Variants in ZNF460 observed in about 807,000 individuals in gnomAD.
ZNF460 encodes zinc finger protein 460.
ZNF460 carries 1 observed loss-of-function variant against 8.4 expected under a neutral mutation model. The ratio of observed to expected loss-of-function variants is 0.12; its 90% CI spans 0.04 to 0.56. The LOEUF is 0.56. Among genes scored for constraint, ZNF460 ranks in the 20% least tolerant of loss-of-function variants. ZNF460 has a pLI of 0.91. For missense variants in ZNF460, 477 were observed against 714.8 expected, an observed-to-expected ratio of 0.67 and a Z score of 3.79; for synonymous variants, 262 against 259.9, an observed-to-expected ratio of 1.01 and a Z score of -0.08.
chr19:57,288,669 C>T (rs1328354510), intron 2 of ZNF460, among the ~76,000 whole-genome samples: 3 of 152,192 alleles, frequency 2.0e-5, no homozygotes, highest in African/African-American at 7.2e-5. Flanking sequence ...ACACTCTTAA[C>T]CTCCCTTCAA....
chr19:57,290,567 T>C (rs2087909567), intron 2 of ZNF460, 132 bp from the exon 3 acceptor site: 1 of 928,178 alleles, frequency 1.1e-6, no homozygotes, highest in Non-Finnish European at 1.6e-6. Context: ...GATGAGCCAC[T>C]GTACCCAGCC....
At chr19:57,281,553 G>GA (rs1181965165) in intron 1 of ZNF460, among the ~76,000 whole-genome samples, 4 of 134,660 alleles carry the variant, frequency 3.0e-5, no homozygotes, top group African/African-American at 8.4e-5. Flanking sequence ...GTTTAACCCT[G>GA]AAATTTTTTT....
At position 57,284,671 on chromosome 19, in the gene ZNF460, G is replaced by A. The variant is rs138473913; in HGVS notation, c.151G>A (p.Ala51Thr). 2.5e-6 allele frequency: 4 copies of A among 1,609,214 alleles called. No individual in the cohort carries two copies. The highest frequency in any genetic ancestry group is 1.3e-5 in the African/African-American group (1 of 74,600). ...GCTGGAGACCTGTGGGCTTCTGGTC[G>A]CACTGGGTAAGGCCTGTCCTCTCCT... is the stretch of plus-strand genomic sequence containing the variant. ...VMLETCGLLV[A>T]LGDSTKPETV... Residue 51 changes from alanine to threonine, a missense_variant, in exon 2 of 3, where the codon GCA (alanine) becomes ACA (threonine). Physicochemically the swap from Ala to Thr is moderately conservative, Grantham distance 58. This residue lies in a region of ZNF460 where 169 missense variants were observed against 178.6 expected (regional missense o/e 0.95). Coordinates refer to ENST00000360338, the MANE Select transcript of ZNF460 (RefSeq NM_006635.4).
chr19:57,284,762 A>G, intron 2 of ZNF460, 85 bp downstream of exon 2: 1 of 1,391,846 alleles, frequency 7.2e-7, no homozygotes, highest in Non-Finnish European at 9.5e-7. Context: ...AGGCCTGGCT[A>G]GTGGAATAGG....
chr19:57,284,172 G>A (rs1235960208), intron 1 of ZNF460, among the ~76,000 whole-genome samples: 1 of 151,702 alleles, frequency 6.6e-6, no homozygotes, highest in Non-Finnish European at 1.5e-5. Context: ...TTAAGTTCAA[G>A]TGGCTTCCTG....
At chr19:57,285,589 T>C (rs1325985895) in intron 2 of ZNF460, among the ~76,000 whole-genome samples, 1 of 152,220 alleles carries the variant, frequency 6.6e-6, no homozygotes, top group Non-Finnish European at 1.5e-5. Flanking sequence ...TAAACCTTCA[T>C]TGTGAGATGC....
Position 57,283,321 on chromosome 19 carries a change from T to C in ZNF460, c.31-1230T>C, listed in dbSNP as rs182674373. On this transcript the variant is annotated intron_variant, in intron 1 of 2. Coordinates refer to ENST00000360338, the MANE Select transcript of ZNF460 (RefSeq NM_006635.4). ...AGTAGCTAGGACTACAGGCACACACTACCACACCCAGCTAATTTTTGTATT... is the reference window on the plus strand; with the variant it reads ...AGTAGCTAGGACTACAGGCACACACCACCACACCCAGCTAATTTTTGTATT... 1.9e-3 allele frequency among the ~76,000 whole-genome samples: 289 copies of C among 151,032 alleles called. 1 individual carries two copies. Among genetic ancestry groups the C allele is most frequent in the Non-Finnish European group, 3.2e-3 (219 of 67,708 alleles).
At chr19:57,286,405 G>A (rs887174470) in intron 2 of ZNF460, among the ~76,000 whole-genome samples, 1 of 152,080 alleles carries the variant, frequency 6.6e-6, no homozygotes, top group African/African-American at 2.4e-5. Context: ...TGTGTGTTCT[G>A]ACTGCTCCAC....
At position 57,292,296 on chromosome 19, in the gene ZNF460, T is replaced by C. The variant is rs1395767534; in HGVS notation, c.*66T>C. Reference sequence around the variant, plus strand: ...CCAAGAATTCCTATTAGCGAAATAGTTTTTTAATATAACCACTGAAGAAAA... The same window carrying C: ...CCAAGAATTCCTATTAGCGAAATAGCTTTTTAATATAACCACTGAAGAAAA... On this transcript the variant is annotated 3_prime_UTR_variant, in exon 3 of 3. Coordinates refer to ENST00000360338, the MANE Select transcript of ZNF460 (RefSeq NM_006635.4). 1 of 1,475,906 alleles carries C rather than the reference T, an allele frequency of 6.8e-7. No homozygotes were observed. The highest frequency in any genetic ancestry group is 2.1e-5 in the Admixed American group (1 of 48,174). The allele number at this position is 1,475,906 out of a possible 1,614,324, so 91.4% of individuals were successfully genotyped here.
rs768552087 is a variant in ZNF460, at chr19:57,292,138, A to T, written c.1597A>T (p.Ser533Cys). The part of the protein sequence containing the change: ...SIIHTESSPV[S>C]AVNMETPSIA... The stretch of plus-strand genomic sequence containing the variant: ...CATCCACACTGAGAGTAGCCCAGTG[A>T]GTGCAGTGAATATGGAAACGCCTTC... The change falls in exon 3 of 3, where the codon AGT (serine) becomes TGT (cysteine). Residue 533 changes from serine to cysteine, a missense_variant. By Grantham distance (112) the Ser-to-Cys change is moderately radical (BLOSUM62 -1). Transcript: ENST00000360338. 2.0e-5 allele frequency: 33 copies of T among 1,614,078 alleles called. No individual in the cohort carries two copies. Among genetic ancestry groups the T allele is most frequent in the Non-Finnish European group, 2.8e-5 (33 of 1,180,040 alleles).
rs747361889 is a variant in ZNF460 at position 57,280,680 on chromosome 19, C to G, written c.-127C>G. 3 of 1,392,060 alleles carry G rather than the reference C, an allele frequency of 2.2e-6. No individual in the cohort carries two copies. Among genetic ancestry groups the G allele is most frequent in the Non-Finnish European group, 2.9e-6 (3 of 1,021,286 alleles). 86.2% of individuals were successfully genotyped at this position (1,392,060 alleles called of 1,614,324 possible). A position where few individuals can be genotyped will look rare whatever the true frequency, so the allele number is the denominator to read the frequency against. ...GCCCTCCGTCTCCTCAGCCCCGACG[C>G]TGCGCCTTGGGCCTTGTGCGCATTT... On this transcript the variant is annotated 5_prime_UTR_variant, in exon 1 of 3. Coordinates refer to ENST00000360338, the MANE Select transcript of ZNF460 (RefSeq NM_006635.4).
In ZNF460 at chr19:57,292,261, C is replaced by G. The variant is rs1463762877; in HGVS notation, c.*31C>G. On this transcript the variant is annotated 3_prime_UTR_variant, in exon 3 of 3. Coordinates refer to ENST00000360338, the MANE Select transcript of ZNF460 (RefSeq NM_006635.4). Reference sequence around the variant, plus strand: ...GTGGAAAGACTTTTTACGTACACTTCAGTCAACATCCAAGAATTCCTATTA... The same window carrying G: ...GTGGAAAGACTTTTTACGTACACTTGAGTCAACATCCAAGAATTCCTATTA... The G allele has an allele frequency of 6.4e-7, 1 of 1,560,744 alleles. No homozygotes were observed. Among genetic ancestry groups the G allele is most frequent in the African/African-American group, 1.4e-5 (1 of 73,190 alleles).
At chr19:57,290,525 G>A (rs2087909285) in intron 2 of ZNF460, among the ~76,000 whole-genome samples, 174 bp from the exon 3 acceptor site, 1 of 151,850 alleles carries the variant, frequency 6.6e-6, no homozygotes, top group Non-Finnish European at 1.5e-5. Flanking sequence ...TGATCCGCCT[G>A]CCTTGGCCTC....
Position 57,291,099 on chromosome 19 carries a change from T to A in ZNF460, c.558T>A (p.His186Gln), listed in dbSNP as rs955274586. 1 of 1,614,226 alleles carries A rather than the reference T, an allele frequency of 6.2e-7. No individual in the cohort carries two copies. Residue 186 changes from histidine to glutamine, a missense_variant, in exon 3 of 3, where the codon CAT becomes CAA. His to Gln is a conservative substitution (Grantham distance 24). This residue lies in a region of ZNF460 where 169 missense variants were observed against 178.6 expected (regional missense o/e 0.95). Coordinates refer to ENST00000360338, the MANE Select transcript of ZNF460 (RefSeq NM_006635.4). The surrounding 1 kb of genome is among the most constrained non-coding windows in gnomAD (Gnocchi z 8.4). ...ATGAGAATTGCTTCCTTGTTCAGCA[T>A]GAGCAGATTCTCCCTCGTGTGAAGC... ...MFNENCFLVQ[H>Q]EQILPRVKPY...
chr19:57,290,159 A>C (rs1301094936), intron 2 of ZNF460, among the ~76,000 whole-genome samples: 1 of 151,956 alleles, frequency 6.6e-6, no homozygotes, highest in African/African-American at 2.4e-5. Context: ...AAACAAAAAA[A>C]AGCCAAGCGT....
chr19:57,290,683 A>G lies in ZNF460; in HGVS notation c.158-16A>G, dbSNP rs775345310. 6.2e-7 allele frequency: 1 copy of G among 1,601,566 alleles called. No individual in the cohort carries two copies. Among genetic ancestry groups the G allele is most frequent in the Non-Finnish European group, 8.5e-7 (1 of 1,173,500 alleles). Reference sequence around the variant, plus strand: ...ACTATCTTAATAAGTTCTTTTGTGTATTGTGTTCCCTTCAGGTGACAGCAC... The same window carrying G: ...ACTATCTTAATAAGTTCTTTTGTGTGTTGTGTTCCCTTCAGGTGACAGCAC... On this transcript the variant is annotated splice_polypyrimidine_tract_variant and intron_variant, in intron 2 of 2. Coordinates refer to ENST00000360338, the MANE Select transcript of ZNF460 (RefSeq NM_006635.4).
upstream of ZNF460, chr19:57,280,156 G>A (rs554040310): frequency 1.6e-3 from 241 of 152,496 alleles, no homozygotes; most frequent in Non-Finnish European, 2.5e-3. Context: ...CTGAATCGGG[G>A]CGAATATCCC....
intron 1 of ZNF460, among the ~76,000 whole-genome samples, chr19:57,281,717 C>CA (rs2087841668): frequency 6.6e-6 from 1 of 151,934 alleles, no homozygotes. Flanking sequence ...AGGTGTGCGC[C>CA]ACCACGCCTG....
intron 2 of ZNF460, among the ~76,000 whole-genome samples, chr19:57,290,468 G>A (rs369662676): frequency 4.5e-4 from 68 of 152,130 alleles, no homozygotes; most frequent in African/African-American, 1.4e-3. Flanking sequence ...AGTAGATATG[G>A]GGTTTCACCA....
Sources: allele counts gnomAD v4.1 joint callset (sites outside exome capture counted in the v4.1 genomes callset), GRCh38; gene constraint gnomAD v4.1.1; regional missense constraint gnomAD v4.1.1; non-coding constraint Gnocchi (gnomAD v3.1); transcripts MANE v1.5; gene names NCBI Gene and HGNC (gene_info 2026-07-23, HGNC 2026-07-21).